Variants in PTPN13 observed in about 807,000 individuals in gnomAD.
PTPN13 encodes the protein tyrosine-protein phosphatase non-receptor type 13.
In PTPN13, 191 loss-of-function variants were observed where a neutral mutation model predicts 284.0. The observed-to-expected ratio is 0.67, with a 90% CI of 0.60 to 0.76. PTPN13 has a LOEUF of 0.76. Among genes scored for constraint, PTPN13 ranks in the 30% least tolerant of loss-of-function variants. The pLI, the probability that PTPN13 is intolerant of heterozygous loss-of-function variation, is 0.00. For synonymous variants in PTPN13, 986 were observed against 1,022.3 expected (o/e 0.96, Z 0.68); for missense variants, 2,797 against 2,939.9 (o/e 0.95, Z 1.12).
chr4:86,672,369 C>G lies in PTPN13; in HGVS notation c.120C>G (p.Ser40Arg). ...TTTGGTGCAATTACAAACCAGTAAG[C>G]CTAGCTGATCCTGCTGCCCTTGGCT... ...ESLQELFRKV[S>R]LADPAALGFI... The change falls in exon 3 of 48, where the codon AGC (serine) becomes AGG (arginine). Residue 40 changes from serine to arginine, a missense_variant. Ser to Arg is a moderately radical substitution (Grantham distance 110). Coordinates refer to ENST00000411767, the MANE Select transcript of PTPN13 (RefSeq NM_080683.3). 1 of 1,542,460 alleles carries G rather than the reference C, an allele frequency of 6.5e-7. No homozygotes were observed.
chr4:86,718,499 G>C (rs772462296), intron 9 of PTPN13, among the ~76,000 whole-genome samples: 5 of 148,174 alleles, frequency 3.4e-5, no homozygotes, highest in Non-Finnish European at 7.5e-5. Context: ...TGCCCAGACT[G>C]TAATGCAGTG....
intron 40 of PTPN13, among the ~76,000 whole-genome samples, chr4:86,795,257 A>G (rs1314239765): frequency 6.6e-6 from 1 of 152,270 alleles, no homozygotes; most frequent in Non-Finnish European, 1.5e-5. Flanking sequence ...TCAAAAGAAG[A>G]CATTTATGCA....
At chr4:86,633,082 A>G (rs1013326913) in intron 1 of PTPN13, among the ~76,000 whole-genome samples, 4 of 152,250 alleles carry the variant, frequency 2.6e-5, no homozygotes, top group South Asian at 2.1e-4. Flanking sequence ...CTGGGATTAC[A>G]GGCTTAAGCC....
chr4:86,767,118 C>CG lies in PTPN13; in HGVS notation c.4329+607dup, dbSNP rs201115879. Among the ~76,000 whole-genome samples, 1,040 of 151,732 alleles carry CG rather than the reference C, an allele frequency of 6.9e-3. 7 individuals carry two copies. Among genetic ancestry groups the CG allele is most frequent in the African/African-American group, 0.011 (475 of 41,398 alleles). ...TTTTATTTCTTGTAGAGATTGGGGGCGGGGGGTCTCCCTATGTTGCCCATG... is the reference window on the plus strand; with the variant it reads ...TTTTATTTCTTGTAGAGATTGGGGGCGGGGGGGTCTCCCTATGTTGCCCATG... On this transcript the variant is annotated intron_variant, in intron 27 of 47. Transcript: ENST00000411767.
intron 32 of PTPN13, 54 bp from the exon 33 acceptor site, chr4:86,774,315 CTGTT>C: frequency 6.9e-7 from 1 of 1,454,972 alleles, no homozygotes. Flanking sequence ...AGTCATCTTT[CTGTT>C]TGTCTATAGT....
chr4:86,803,519 GT>G (rs1363965716), intron 42 of PTPN13, among the ~76,000 whole-genome samples, 189 bp from the exon 43 acceptor site: 2 of 152,170 alleles, frequency 1.3e-5, no homozygotes, highest in African/African-American at 4.8e-5. Flanking sequence ...CTTGAGCCTG[GT>G]AGATCAAGGC....
chr4:86,771,160 G>T lies in PTPN13; in HGVS notation c.4804-11G>T. On this transcript the variant is annotated splice_polypyrimidine_tract_variant and intron_variant, in intron 30 of 47. Coordinates refer to ENST00000411767, the MANE Select transcript of PTPN13 (RefSeq NM_080683.3). Reference sequence around the variant, plus strand: ...AATGGTCACAAATCTCTTTAAATGTGTCCATTACAGACCCCACTTCAGTCT... The same window carrying T: ...AATGGTCACAAATCTCTTTAAATGTTTCCATTACAGACCCCACTTCAGTCT... 6.3e-7 allele frequency: 1 copy of T among 1,593,948 alleles called. No individual in the cohort carries two copies. The highest frequency in any genetic ancestry group is 8.5e-7 in the Non-Finnish European group (1 of 1,169,932).
At position 86,785,838 on chromosome 4, in the gene PTPN13, C is replaced by T. The variant is rs200517216; in HGVS notation, c.6257-10C>T. The T allele has an allele frequency of 5.9e-6, 9 of 1,514,612 alleles. No homozygotes were observed. The highest frequency in any genetic ancestry group is 7.2e-6 in the Non-Finnish European group (8 of 1,118,136). The allele number at this position is 1,514,612 out of a possible 1,614,324, so 93.8% of individuals were successfully genotyped here. On this transcript the variant is annotated splice_polypyrimidine_tract_variant and intron_variant, in intron 39 of 47. Coordinates refer to ENST00000411767, the MANE Select transcript of PTPN13 (RefSeq NM_080683.3). ...ATAAATTCCTCTTGGCCTATATATTCCTCTCTCAGGTACATTAAAGATGAA... is the reference window on the plus strand; with the variant it reads ...ATAAATTCCTCTTGGCCTATATATTTCTCTCTCAGGTACATTAAAGATGAA...
intron 9 of PTPN13, among the ~76,000 whole-genome samples, 156 bp from the exon 10 acceptor site, chr4:86,722,056 C>T (rs963978175): frequency 6.6e-6 from 1 of 152,026 alleles, no homozygotes; most frequent in African/African-American, 2.4e-5. Context: ...CTATATATTT[C>T]TTCATACCAT....
chr4:86,676,093 G>A (rs114070093), intron 3 of PTPN13, among the ~76,000 whole-genome samples: 3 of 152,174 alleles, frequency 2.0e-5, no homozygotes, highest in East Asian at 1.9e-4. Context: ...AAAAAACAAC[G>A]AAATGCCCTT....
chr4:86,648,358 C>G (rs1270027586), intron 2 of PTPN13, among the ~76,000 whole-genome samples: 2 of 152,054 alleles, frequency 1.3e-5, no homozygotes, highest in Non-Finnish European at 2.9e-5. Context: ...CATTAACCAT[C>G]CTCTCTTTAT....
chr4:86,791,498 T>C (rs1478526929), intron 40 of PTPN13, among the ~76,000 whole-genome samples: 1 of 152,174 alleles, frequency 6.6e-6, no homozygotes, highest in Non-Finnish European at 1.5e-5. Context: ...AAGAGAGCAA[T>C]GGTTCTCCCA....
chr4:86,606,110 GC>G (rs1193964702), intron 1 of PTPN13, among the ~76,000 whole-genome samples: 1 of 151,798 alleles, frequency 6.6e-6, no homozygotes, highest in Non-Finnish European at 1.5e-5. Context: ...TGCTCAATAA[GC>G]CAACTATTGA....
chr4:86,639,154 A>AGG, intron 2 of PTPN13, among the ~76,000 whole-genome samples: 2 of 151,206 alleles, frequency 1.3e-5, no homozygotes, highest in Non-Finnish European at 3.0e-5. Flanking sequence ...TTAGAATGGC[A>AGG]ATCATTAAAA....
At chr4:86,632,630 T>C (rs991805123) in intron 1 of PTPN13, among the ~76,000 whole-genome samples, 14 of 151,676 alleles carry the variant, frequency 9.2e-5, no homozygotes, top group African/African-American at 1.5e-4. Context: ...TTTGAATCCT[T>C]CTTCTTTCTC....
At position 86,785,931 on chromosome 4, in the gene PTPN13, A is replaced by T; in HGVS notation, c.6340A>T (p.Thr2114Ser). The stretch of plus-strand genomic sequence containing the variant: ...TGGTTCACCTTTACCTGAGTATTTT[A>T]CTGAGGTAACAATAATACCTAAACA... ...CDGSPLPEYFTEATKMNGCEE... is the reference protein window; with the variant it reads ...CDGSPLPEYFSEATKMNGCEE... The change falls in exon 40 of 48, where the codon ACT becomes TCT. Residue 2114 changes from threonine (T) to serine (S), a missense_variant. Thr to Ser is a moderately conservative substitution (Grantham distance 58). Coordinates refer to ENST00000411767, the MANE Select transcript of PTPN13 (RefSeq NM_080683.3). The T allele has an allele frequency of 6.5e-7, 1 of 1,536,160 alleles. No individual in the cohort carries two copies. Among genetic ancestry groups the T allele is most frequent in the Non-Finnish European group, 8.8e-7 (1 of 1,134,080 alleles).
chr4:86,668,108 G>A (rs1246062674), intron 2 of PTPN13, among the ~76,000 whole-genome samples: 1 of 152,088 alleles, frequency 6.6e-6, no homozygotes, highest in Non-Finnish European at 1.5e-5. Context: ...CAACTTTTCT[G>A]TGGAATGTTG....
chr4:86,749,845 G>T lies in PTPN13; in HGVS notation c.2651-625G>T, dbSNP rs142504575. 4.4e-3 allele frequency among the ~76,000 whole-genome samples: 667 copies of T among 152,264 alleles called. 4 individuals carry two copies. Among genetic ancestry groups the T allele is most frequent in the South Asian group, 9.3e-3 (45 of 4,824 alleles). On this transcript the variant is annotated intron_variant, in intron 17 of 47. Coordinates refer to ENST00000411767, the MANE Select transcript of PTPN13 (RefSeq NM_080683.3). ...TCAGCCCAGTGAGAAGGTGGGTTTGGCATAGTAGTGAAATAACAAAAGGAA... is the reference window on the plus strand; with the variant it reads ...TCAGCCCAGTGAGAAGGTGGGTTTGTCATAGTAGTGAAATAACAAAAGGAA...
At chr4:86,696,170 T>C (rs919849359) in intron 6 of PTPN13, among the ~76,000 whole-genome samples, 5 of 152,002 alleles carry the variant, frequency 3.3e-5, no homozygotes, top group Non-Finnish European at 1.5e-5. Context: ...CATTTACATA[T>C]ATACGTATAT....
Sources: allele counts gnomAD v4.1 joint callset (sites outside exome capture counted in the v4.1 genomes callset), GRCh38; gene constraint gnomAD v4.1.1; transcripts MANE v1.5; gene names NCBI Gene and HGNC (gene_info 2026-07-23, HGNC 2026-07-21).